ACSF2: variants seen among roughly 807,000 people sequenced by gnomAD.
ACSF2 encodes the protein medium-chain acyl-CoA ligase ACSF2, mitochondrial.
In ACSF2, 52 loss-of-function variants were observed where a neutral mutation model predicts 79.3. The ratio of observed to expected loss-of-function variants is 0.66; its 90% confidence interval spans 0.53 to 0.83. The LOEUF is 0.83. ACSF2 is among the 40% of genes least tolerant of loss of function. ACSF2 has a pLI of 0.00. For synonymous variants in ACSF2, 283 were observed against 312.6 expected (o/e 0.91, Z 1.00); for missense variants, 661 against 803.3 (o/e 0.82, Z 2.14).
At chr17:50,473,364 G>C (rs1325531329) in intron 12 of ACSF2, 1 of 358,958 alleles carries the variant, frequency 2.8e-6, no homozygotes, top group Non-Finnish European at 5.2e-6. Flanking sequence ...TAGATTGAGT[G>C]GACAGAGAAG....
chr17:50,432,880 T>C (rs764187421), intron 1 of ACSF2, among the ~76,000 whole-genome samples: 8 of 152,196 alleles, frequency 5.3e-5, no homozygotes, highest in Non-Finnish European at 1.2e-4. Flanking sequence ...GATTCTGTGA[T>C]TCCTAAAGAG....
chr17:50,464,049 G>GGCC, intron 9 of ACSF2, 140 bp downstream of exon 9: 1 of 573,786 alleles, frequency 1.7e-6, no homozygotes, highest in Non-Finnish European at 3.1e-6. Flanking sequence ...GGGAGGGAGG[G>GGCC]AGATCCCCAG....
chr17:50,426,452 C>A, intron 1 of ACSF2, 63 bp downstream of exon 1: 1 of 1,270,334 alleles, frequency 7.9e-7, no homozygotes, highest in South Asian at 3.1e-5. Context: ...ACTTGGAGGT[C>A]CCGGCGAGCT....
At position 50,439,006 on chromosome 17, in the gene ACSF2, T is replaced by C. The variant is rs557610096; in HGVS notation, c.128+12617T>C. 2.6e-5 allele frequency among the ~76,000 whole-genome samples: 4 copies of C among 152,296 alleles called. No individual in the cohort carries two copies. The East Asian group carries it at 7.7e-4, about 29-fold the overall frequency. On this transcript the variant is annotated intron_variant, in intron 1 of 15. Coordinates refer to ENST00000300441, the MANE Select transcript of ACSF2 (RefSeq NM_025149.6). ...ACATGGAAAGTACTTAGAATCATGT[T>C]ATGTGAGTAATAAGTGCTCTTAGTC...
At chr17:50,429,804 C>T (rs1040538027) in intron 1 of ACSF2, among the ~76,000 whole-genome samples, 2 of 152,232 alleles carry the variant, frequency 1.3e-5, no homozygotes, top group African/African-American at 4.8e-5. Flanking sequence ...AGGCGTGAGC[C>T]ACCACGCCCG....
rs774212232 is a variant in ACSF2, at chr17:50,474,521, G to A, written c.1817G>A (p.Arg606Gln). The change falls in exon 16 of 16, where the codon CGA (arginine) becomes CAA (glutamine). Residue 606 changes from arginine (R) to glutamine (Q), a missense_variant. Physicochemically the swap from Arg to Gln is conservative, Grantham distance 43. Transcript: ENST00000300441. This position sits in a 1 kb window ranked among gnomAD's most constrained non-coding sequence, Gnocchi z 4.2. ...CTCTAGATCCAGAAATTCAAACTTCGAGAGCAGATGGAACGACATCTAAAT... is the reference window on the plus strand; with the variant it reads ...CTCTAGATCCAGAAATTCAAACTTCAAGAGCAGATGGAACGACATCTAAAT... Reference protein sequence around the residue: ...ISGKIQKFKLREQMERHLNL With the variant: ...ISGKIQKFKLQEQMERHLNL 12 of 1,614,032 alleles carry A rather than the reference G, an allele frequency of 7.4e-6. No individual in the cohort carries two copies. The highest frequency in any genetic ancestry group is 6.7e-5 in the Admixed American group (4 of 60,012).
At chr17:50,464,951 G>A in intron 10 of ACSF2, 1 of 358,662 alleles carries the variant, frequency 2.8e-6, no homozygotes, top group Non-Finnish European at 5.3e-6. Context: ...CTGTGCATCA[G>A]CAGAGGCTGT....
Position 50,463,887 on chromosome 17 carries a change from T to A in ACSF2, c.1116T>A (p.Tyr372Ter). Residue 372 changes from tyrosine to a stop codon, truncating the protein, a stop_gained, in exon 9 of 16, where the codon TAT (tyrosine) becomes TAA (stop). Coordinates refer to ENST00000300441, the MANE Select transcript of ACSF2 (RefSeq NM_025149.6). LOFTEE classifies it high-confidence loss of function. The surrounding 1 kb of genome is among the most constrained non-coding windows in gnomAD (Gnocchi z 4.6). ...TGAACCAGCCAGACTTCTCCAGTTA[T>A]GACATCTCGACCATGTGTGGAGGTG... ...DILNQPDFSS[Y>*]DISTMCGGVI... The A allele has an allele frequency of 6.2e-7, 1 of 1,614,088 alleles. No individual in the cohort carries two copies.
intron 10 of ACSF2, chr17:50,470,186 G>A (rs3809766): frequency 0.18 from 27,975 of 152,182 alleles, 3,191 homozygotes; most frequent in Non-Finnish European, 0.26. Flanking sequence ...CCTAGGATAC[G>A]GGGTAACTAG....
intron 1 of ACSF2, among the ~76,000 whole-genome samples, chr17:50,429,115 G>A (rs948126957): frequency 2.0e-5 from 3 of 152,250 alleles, no homozygotes; most frequent in African/African-American, 7.2e-5. Flanking sequence ...AAAAGAGCAA[G>A]GGCTTTGAAG....
chr17:50,442,529 A>G (rs1263980285), intron 1 of ACSF2, among the ~76,000 whole-genome samples: 1 of 152,012 alleles, frequency 6.6e-6, no homozygotes, highest in Non-Finnish European at 1.5e-5. Flanking sequence ...GCAGTGACAC[A>G]TTCATGGCTC....
Position 50,426,316 on chromosome 17 carries a change from G to C in ACSF2, c.55G>C (p.Gly19Arg). The C allele has an allele frequency of 1.4e-6, 2 of 1,415,532 alleles. No homozygotes were observed. Among genetic ancestry groups the C allele is most frequent in the Non-Finnish European group, 1.9e-6 (2 of 1,078,820 alleles). The allele number at this position is 1,415,532 out of a possible 1,614,324, so 87.7% of individuals were successfully genotyped here. ...RLGRLCAGSS[G>R]VLGARAALSR... Reference sequence around the variant, plus strand: ...GGGGAGGCTGTGCGCCGGGAGCTCGGGGGTGCTGGGGGCCCGGGCCGCCCT... The same window carrying C: ...GGGGAGGCTGTGCGCCGGGAGCTCGCGGGTGCTGGGGGCCCGGGCCGCCCT... Residue 19 changes from glycine to arginine, a missense_variant, in exon 1 of 16, where the codon GGG becomes CGG. Physicochemically the swap from Gly to Arg is moderately radical, Grantham distance 125 (BLOSUM62 -2). Transcript: ENST00000300441.
chr17:50,467,786 G>T (rs1362679601), intron 10 of ACSF2: 6 of 412,570 alleles, frequency 1.5e-5, no homozygotes, highest in East Asian at 1.1e-4. Flanking sequence ...GGGGCCTTTT[G>T]TGGGGCCAGG....
At chr17:50,446,159 A>G (rs577671328) in intron 1 of ACSF2, among the ~76,000 whole-genome samples, 3 of 152,012 alleles carry the variant, frequency 2.0e-5, no homozygotes, top group Non-Finnish European at 4.4e-5. Flanking sequence ...TGCTGCTTTT[A>G]TTTTTCTGAC....
chr17:50,455,534 C>T (rs1323402597), intron 1 of ACSF2, among the ~76,000 whole-genome samples: 1 of 152,176 alleles, frequency 6.6e-6, no homozygotes, highest in Non-Finnish European at 1.5e-5. Flanking sequence ...ACAGATACCT[C>T]CCAGAAAAGG....
At chr17:50,454,148 G>A (rs981162786) in intron 1 of ACSF2, among the ~76,000 whole-genome samples, 2 of 150,210 alleles carry the variant, frequency 1.3e-5, no homozygotes, top group African/African-American at 4.9e-5. Context: ...AAGCCTGAGC[G>A]ACAGAGTAAG....
chr17:50,440,961 A>C (rs1473822145), intron 1 of ACSF2, among the ~76,000 whole-genome samples: 1 of 152,242 alleles, frequency 6.6e-6, no homozygotes, highest in African/African-American at 2.4e-5. Context: ...TGGGAGGCCT[A>C]GTGGGGGCAG....
intron 1 of ACSF2, chr17:50,460,205 C>G (rs1213049658): frequency 2.2e-6 from 1 of 456,660 alleles, no homozygotes; most frequent in Non-Finnish European, 4.4e-6. Context: ...CTTTCAGGCC[C>G]TCAGGAGAAA....
chr17:50,465,574 A>G, intron 10 of ACSF2: 1 of 1,463,418 alleles, frequency 6.8e-7, no homozygotes. Context: ...CAAATGGGGA[A>G]ACTGAGGCTC....
Sources: allele counts gnomAD v4.1 joint callset (sites outside exome capture counted in the v4.1 genomes callset), GRCh38; gene constraint gnomAD v4.1.1; non-coding constraint Gnocchi (gnomAD v3.1); transcripts MANE v1.5; gene names NCBI Gene and HGNC (gene_info 2026-07-23, HGNC 2026-07-21).